DOCK3: variants seen among roughly 807,000 people sequenced by gnomAD.
DOCK3 encodes the protein dedicator of cytokinesis 3.
DOCK3 carries 60 observed loss-of-function variants against 265.6 expected under a neutral mutation model. The observed-to-expected ratio is 0.23, with a 90% CI of 0.18 to 0.28. The LOEUF is 0.28. Ranked by LOEUF, DOCK3 falls within the 10% of genes least tolerant of loss-of-function variation. The pLI is 1.00. For missense variants in DOCK3, 1,981 were observed against 2,594.3 expected (o/e 0.76, Z 5.14); for synonymous variants, 881 against 938.0 (o/e 0.94, Z 1.11).
intron 35 of DOCK3, among the ~76,000 whole-genome samples, chr3:51,336,563 TC>T (rs775731304): frequency 1.1e-4 from 17 of 152,162 alleles, no homozygotes; most frequent in South Asian, 4.1e-4. Flanking sequence ...TCTGGAGTCT[TC>T]CCTGCTCACC....
chr3:50,986,473 C>G (rs2077905521), intron 5 of DOCK3, among the ~76,000 whole-genome samples: 1 of 152,144 alleles, frequency 6.6e-6, no homozygotes, highest in Non-Finnish European at 1.5e-5. Flanking sequence ...CCCACATATC[C>G]CATACTCTAT....
rs34015684 is a variant in DOCK3, at chr3:50,791,258, CTTT to C, written c.121+12521_121+12523del. Among the ~76,000 whole-genome samples the C allele has an allele frequency of 1.5e-3, 93 of 62,802 alleles. 3 individuals are homozygous for C. The East Asian group carries it at 0.031, about 21-fold the overall frequency. 41.2% of individuals were successfully genotyped at this position (62,802 alleles called of 152,430 possible). A position where few individuals can be genotyped will look rare whatever the true frequency, so the allele number is the denominator to read the frequency against. The stretch of plus-strand genomic sequence containing the variant: ...GTTTACATTTAAGTGTTAAATCTAT[CTTT>C]TTTTTTTTTTTTTTTTTTTTGAGAC... On this transcript the variant is annotated intron_variant, in intron 2 of 52. Transcript: ENST00000266037.
In DOCK3 at chr3:51,310,241, C is replaced by A. The variant is rs2082987792; in HGVS notation, c.2932C>A (p.Leu978Met). The part of the protein sequence containing the change: ...QSKDELKEFL[L>M]KIFCVFRNLM... Reference sequence around the variant, plus strand: ...TTTCCTCTGCTGTCAGGAATTTCTGCTGAAGATTTTTTGCGTGTTCCGGAA... The same window carrying A: ...TTTCCTCTGCTGTCAGGAATTTCTGATGAAGATTTTTTGCGTGTTCCGGAA... The change falls in exon 28 of 53, where the codon CTG becomes ATG. Residue 978 changes from leucine to methionine, a missense_variant. Leu to Met is a conservative substitution (Grantham distance 15). Around this residue, in one of 4 missense-constraint regions of DOCK3, gnomAD observed 1,357 missense variants for 1,866.8 expected, o/e 0.73. Transcript: ENST00000266037. 6.3e-7 allele frequency: 1 copy of A among 1,599,938 alleles called. No homozygotes were observed. Among genetic ancestry groups the A allele is most frequent in the South Asian group, 1.1e-5 (1 of 88,108 alleles).
intron 25 of DOCK3, chr3:51,276,535 G>A: frequency 1.6e-6 from 1 of 639,020 alleles, no homozygotes; most frequent in Non-Finnish European, 1.9e-6. Context: ...TACATCACTG[G>A]TAAGTGTTAT....
intron 9 of DOCK3, among the ~76,000 whole-genome samples, chr3:51,127,099 C>T (rs1328807342): frequency 6.6e-6 from 1 of 152,158 alleles, no homozygotes; most frequent in Admixed American, 6.5e-5. Context: ...GGGCAGGAGG[C>T]ATCCAGCTTG....
chr3:50,846,194 C>T (rs1400470284), intron 3 of DOCK3, among the ~76,000 whole-genome samples: 1 of 152,134 alleles, frequency 6.6e-6, no homozygotes, highest in Non-Finnish European at 1.5e-5. Context: ...TAATGGAGGT[C>T]ATAGTTGGCC....
At chr3:50,694,880 C>G (rs1266763819) in intron 1 of DOCK3, among the ~76,000 whole-genome samples, 3 of 152,098 alleles carry the variant, frequency 2.0e-5, no homozygotes, top group Admixed American at 2.0e-4. Flanking sequence ...ATAAATAGAT[C>G]TGAAAAAGAA....
intron 1 of DOCK3, among the ~76,000 whole-genome samples, chr3:50,761,776 A>G (rs903994997): frequency 6.6e-6 from 1 of 152,228 alleles, no homozygotes; most frequent in Admixed American, 6.5e-5. Flanking sequence ...CCACAGGATT[A>G]TAAATCATGC....
chr3:51,108,480 A>C (rs1402734060), intron 9 of DOCK3, among the ~76,000 whole-genome samples: 1 of 152,188 alleles, frequency 6.6e-6, no homozygotes, highest in African/African-American at 2.4e-5. Flanking sequence ...CAGCCACACA[A>C]GTTAGCAAAT....
intron 12 of DOCK3, among the ~76,000 whole-genome samples, chr3:51,185,552 A>G (rs907900512): frequency 1.3e-5 from 2 of 152,206 alleles, no homozygotes; most frequent in Admixed American, 6.5e-5. Context: ...TTGTTCTAAG[A>G]TAGTAAAGCT....
chr3:51,344,039 C>T (rs2085402629), intron 38 of DOCK3, among the ~76,000 whole-genome samples: 1 of 152,182 alleles, frequency 6.6e-6, no homozygotes, highest in Admixed American at 6.5e-5. Context: ...GGTCCTGCAT[C>T]TCTAGGTGGA....
At chr3:51,079,474 A>G (rs2082155661) in intron 7 of DOCK3, among the ~76,000 whole-genome samples, 2 of 152,056 alleles carry the variant, frequency 1.3e-5, no homozygotes, top group South Asian at 4.1e-4. Flanking sequence ...CTGGGAGTAT[A>G]GGTGCATGCC....
chr3:50,754,819 A>G (rs374041186), intron 1 of DOCK3, among the ~76,000 whole-genome samples: 11 of 152,214 alleles, frequency 7.2e-5, no homozygotes, highest in African/African-American at 2.6e-4. Context: ...TCGGCCTCCC[A>G]AAGTGCTGAG....
chr3:50,971,063 C>G (rs1383410876), intron 5 of DOCK3, among the ~76,000 whole-genome samples: 11 of 147,206 alleles, frequency 7.5e-5, no homozygotes, highest in Admixed American at 6.8e-4. Flanking sequence ...CTCCTGGCCT[C>G]AAGTGATCCT....
At chr3:50,802,934 GT>G (rs1249378217) in intron 2 of DOCK3, among the ~76,000 whole-genome samples, 1 of 151,068 alleles carries the variant, frequency 6.6e-6, no homozygotes, top group African/African-American at 2.4e-5. Context: ...ACATGATGGT[GT>G]TTCATAAATC....
intron 5 of DOCK3, among the ~76,000 whole-genome samples, chr3:51,008,366 A>G (rs763911934): frequency 1.2e-4 from 19 of 152,078 alleles, no homozygotes; most frequent in Non-Finnish European, 2.1e-4. Context: ...TTGTATTCCT[A>G]GGTATTTTAT....
chr3:50,759,857 A>T (rs200331274), intron 1 of DOCK3, among the ~76,000 whole-genome samples: 2 of 1,520 alleles, frequency 1.3e-3, no homozygotes, highest in Non-Finnish European at 0.25. Flanking sequence ...GATATTATTA[A>T]AAAAAAAAAA....
chr3:50,707,310 G>A lies in DOCK3; in HGVS notation c.37+32010G>A, dbSNP rs186437902. On this transcript the variant is annotated intron_variant, in intron 1 of 52. Transcript: ENST00000266037. ...AAATTAGCCAGATGTGGTAGGGCATGCCTGTAATATGAGCTACCTGGGAGG... is the reference window on the plus strand; with the variant it reads ...AAATTAGCCAGATGTGGTAGGGCATACCTGTAATATGAGCTACCTGGGAGG... Among the ~76,000 whole-genome samples the A allele has an allele frequency of 2.2e-4, 34 of 152,092 alleles. No homozygotes were observed. In the East Asian group the frequency reaches 5.8e-3, roughly 26 times the overall value.
chr3:50,825,958 G>GTT (rs11441822), intron 2 of DOCK3, among the ~76,000 whole-genome samples: 162 of 148,958 alleles, frequency 1.1e-3, no homozygotes, highest in Middle Eastern at 3.5e-3. Context: ...GGTTCTTCAT[G>GTT]TTTTTTTTTT....
Sources: allele counts gnomAD v4.1 joint callset (sites outside exome capture counted in the v4.1 genomes callset), GRCh38; gene constraint gnomAD v4.1.1; regional missense constraint gnomAD v4.1.1; transcripts MANE v1.5; gene names NCBI Gene and HGNC (gene_info 2026-07-23, HGNC 2026-07-21).